Variants in LRRN3 observed in about 807,000 individuals in gnomAD.
LRRN3 encodes leucine-rich repeat neuronal protein 3.
LRRN3 carries 15 observed loss-of-function variants against 40.1 expected under a neutral mutation model. The ratio of observed to expected loss-of-function variants is 0.37; its 90% CI spans 0.25 to 0.58. The LOEUF is 0.58. LRRN3 is among the 20% of genes least tolerant of loss of function. The pLI is 0.72. For missense variants in LRRN3, 746 were observed against 837.7 expected, an observed-to-expected ratio of 0.89 and a Z score of 1.35; for synonymous variants, 308 against 297.2, an observed-to-expected ratio of 1.04 and a Z score of -0.37.
In LRRN3 at chr7:111,118,135, C is replaced by A. The variant is rs116041898; in HGVS notation, c.-358-4280C>A. Among the ~76,000 whole-genome samples, 1,441 of 152,170 alleles carry A rather than the reference C, an allele frequency of 9.5e-3. 23 individuals carry two copies. The highest frequency in any genetic ancestry group is 0.033 in the African/African-American group (1,359 of 41,556). ...CATTGCACACATTTTTATTGTAAAT[C>A]AAATCTACTGTGCATCATTGTCCTC... On this transcript the variant is annotated intron_variant, in intron 2 of 2. Transcript: ENST00000308478.
intron 2 of LRRN3, among the ~76,000 whole-genome samples, chr7:111,107,320 G>A (rs190778696): frequency 1.8e-4 from 27 of 151,868 alleles, no homozygotes; most frequent in African/African-American, 4.8e-4. Context: ...ATATTACAAC[G>A]CCAGCCCTAC....
Position 111,096,990 on chromosome 7 carries a change from ATCT to A in LRRN3, c.-440-2887_-440-2885del, listed in dbSNP as rs1351035486. The A allele has an allele frequency of 4.6e-5, 7 of 151,916 alleles. 1 individual carries two copies. In the East Asian group the frequency reaches 1.4e-3, roughly 29 times the overall value. The allele number at this position is 151,916 out of a possible 1,614,324, so 9.4% of individuals were successfully genotyped here. ...AAATGAATAAAAATCCCTTTAAAAA[ATCT>A]TCTAAAGTTTGTCATTTCACGCTTT... On this transcript the variant is annotated intron_variant, in intron 1 of 2. Coordinates refer to ENST00000308478, the MANE Select transcript of LRRN3 (RefSeq NM_001099658.2).
intron 1 of LRRN3, among the ~76,000 whole-genome samples, chr7:111,094,682 A>G (rs1797221629): frequency 6.6e-6 from 1 of 152,124 alleles, no homozygotes; most frequent in Non-Finnish European, 1.5e-5. Context: ...GCTCCTGCAC[A>G]GAGCTCAGGG....
At chr7:111,119,353 C>G (rs1800298165) in intron 2 of LRRN3, among the ~76,000 whole-genome samples, 2 of 152,236 alleles carry the variant, frequency 1.3e-5, no homozygotes, top group South Asian at 4.1e-4. Context: ...TTCTGTTTCC[C>G]CTCCAGACTG....
chr7:111,113,168 T>C (rs1304101255), intron 2 of LRRN3, among the ~76,000 whole-genome samples: 1 of 152,192 alleles, frequency 6.6e-6, no homozygotes, highest in Non-Finnish European at 1.5e-5. Flanking sequence ...ATGTTCTTCA[T>C]TCTCTATCTA....
At chr7:111,114,133 TACACACAC>T (rs71151831) in intron 2 of LRRN3, among the ~76,000 whole-genome samples, 1 of 146,580 alleles carries the variant, frequency 6.8e-6, no homozygotes, top group African/African-American at 2.5e-5. Flanking sequence ...CACATAAATC[TACACACAC>T]ACACACACAC....
In LRRN3 at chr7:111,124,731, G is replaced by A. The variant is rs770581567; in HGVS notation, c.1959G>A (p.Met653Ile). Residue 653 changes from methionine (M) to isoleucine (I), a missense_variant, in exon 3 of 3, where the codon ATG (methionine) becomes ATA (isoleucine). Transcript: ENST00000308478. ...TTATCAGCTGCCTCTCTCCAGAAAT[G>A]AACTGTGATGGTGGACACAGCTATG... ...ICLISCLSPE[M>I]NCDGGHSYVR... is the part of the protein sequence containing the mutation. 3 of 1,613,900 alleles carry A rather than the reference G, an allele frequency of 1.9e-6. No homozygotes were observed. The highest frequency in any genetic ancestry group is 1.7e-4 in the Middle Eastern group (1 of 6,060).
At chr7:111,091,875 A>C (rs777498696) in intron 1 of LRRN3, among the ~76,000 whole-genome samples, 1 of 151,922 alleles carries the variant, frequency 6.6e-6, no homozygotes, top group Non-Finnish European at 1.5e-5. Flanking sequence ...GAGAAGACAG[A>C]GAGGAGACAG....
At chr7:111,108,964 G>A (rs1050159391) in intron 2 of LRRN3, among the ~76,000 whole-genome samples, 3 of 152,090 alleles carry the variant, frequency 2.0e-5, no homozygotes, top group African/African-American at 4.8e-5. Flanking sequence ...TGAATAAAAC[G>A]GAAACAACTT....
intron 2 of LRRN3, among the ~76,000 whole-genome samples, chr7:111,121,342 C>G (rs1800588030): frequency 6.6e-6 from 1 of 152,136 alleles, no homozygotes; most frequent in South Asian, 2.1e-4. Context: ...TTTTGCTGTG[C>G]AGAAGCTCTT....
chr7:111,110,246 A>G (rs1232109373), intron 2 of LRRN3, among the ~76,000 whole-genome samples: 1 of 152,210 alleles, frequency 6.6e-6, no homozygotes, highest in East Asian at 1.9e-4. Context: ...ATTAGGGAAA[A>G]TGATATTCTT....
intron 2 of LRRN3, among the ~76,000 whole-genome samples, chr7:111,119,929 A>G (rs1166497163): frequency 6.6e-6 from 1 of 152,206 alleles, no homozygotes; most frequent in African/African-American, 2.4e-5. Context: ...AAAGTCTTGT[A>G]TGAAAGACTT....
chr7:111,098,825 G>A (rs905963718), intron 1 of LRRN3, among the ~76,000 whole-genome samples: 2 of 151,740 alleles, frequency 1.3e-5, no homozygotes, highest in Non-Finnish European at 3.0e-5. Context: ...AAGCCTTTGT[G>A]CATGAGGCAA....
chr7:111,095,118 C>T lies in LRRN3; in HGVS notation c.-441+3614C>T, dbSNP rs112005790. Among the ~76,000 whole-genome samples, 260 of 152,100 alleles carry T rather than the reference C, an allele frequency of 1.7e-3. 2 individuals are homozygous for T. The highest frequency in any genetic ancestry group is 6.0e-3 in the African/African-American group (248 of 41,528). On this transcript the variant is annotated intron_variant, in intron 1 of 2. Transcript: ENST00000308478. ...TTCTATGGTGCCATTAATAAAAACA[C>T]ATGACACAGCTTCAGGAGACGGGGA...
At chr7:111,098,275 A>G (rs1326514668) in intron 1 of LRRN3, among the ~76,000 whole-genome samples, 1 of 151,816 alleles carries the variant, frequency 6.6e-6, no homozygotes, top group East Asian at 1.9e-4. Flanking sequence ...TTTTACACAA[A>G]CACCACAGTT....
chr7:111,113,063 G>A (rs896942432), intron 2 of LRRN3, among the ~76,000 whole-genome samples: 6 of 152,122 alleles, frequency 3.9e-5, no homozygotes, highest in Admixed American at 1.3e-4. Context: ...AACAGAAAGT[G>A]AACTACCCAG....
At chr7:111,114,349 A>G (rs1006993744) in intron 2 of LRRN3, among the ~76,000 whole-genome samples, 1 of 152,168 alleles carries the variant, frequency 6.6e-6, no homozygotes, top group Non-Finnish European at 1.5e-5. Context: ...ACAGACACAT[A>G]AAACGTGAAT....
intron 2 of LRRN3, among the ~76,000 whole-genome samples, chr7:111,120,405 C>G (rs1383034420): frequency 1.3e-5 from 2 of 152,046 alleles, no homozygotes; most frequent in East Asian, 3.9e-4. Context: ...ATAAAAACAT[C>G]AGATCTCCTG....
intron 2 of LRRN3, among the ~76,000 whole-genome samples, chr7:111,105,104 A>G (rs1325603113): frequency 6.6e-6 from 1 of 151,894 alleles, no homozygotes; most frequent in Middle Eastern, 3.2e-3. Flanking sequence ...CATTGAGACA[A>G]AAATATATTC....
Sources: allele counts gnomAD v4.1 joint callset (sites outside exome capture counted in the v4.1 genomes callset), GRCh38; gene constraint gnomAD v4.1.1; transcripts MANE v1.5; gene names NCBI Gene and HGNC (gene_info 2026-07-23, HGNC 2026-07-21).